VPS13B: variants seen among roughly 807,000 people sequenced by gnomAD.
VPS13B encodes the protein vacuolar protein sorting 13 homolog B, also known as intermembrane lipid transfer protein VPS13B.
A neutral mutation model predicts 426.4 loss-of-function variants in VPS13B; 285 were observed. That is an observed-to-expected ratio of 0.67 (90% CI 0.61 to 0.74). VPS13B has a LOEUF of 0.74. VPS13B is among the 30% of genes least tolerant of loss of function. The pLI is 0.00. For missense variants in VPS13B, 4,537 were observed against 4,782.6 expected, an observed-to-expected ratio of 0.95 and a Z score of 1.51; for synonymous variants, 1,676 against 1,676.4, an observed-to-expected ratio of 1.00 and a Z score of 0.01.
chr8:99,511,178 A>C lies in VPS13B; in HGVS notation c.4299A>C (p.Thr1433=), dbSNP rs1347246270. ...FLSLTYTKAV[T]KNVRHKLTSR... ...CTCTGACATACACAAAAGCTGTAACAAAAAATGTCCGCCACAAGTTAACAT... is the reference window on the plus strand; with the variant it reads ...CTCTGACATACACAAAAGCTGTAACCAAAAATGTCCGCCACAAGTTAACAT... Residue 1433 remains threonine, a synonymous_variant, in exon 29 of 62, where the codon ACA becomes ACC. Coordinates refer to ENST00000357162, the MANE Select transcript of VPS13B (RefSeq NM_152564.5). 6.2e-7 allele frequency: 1 copy of C among 1,613,998 alleles called. No individual in the cohort carries two copies.
chr8:99,481,725 G>A lies in VPS13B; in HGVS notation c.3793G>A (p.Val1265Ile), dbSNP rs1588424854. ...GGCAGGGCCTGTTCCTACTTCTCCAGTTAGAAGCAGTATAGGCACAGCTCC... is the reference window on the plus strand; with the variant it reads ...GGCAGGGCCTGTTCCTACTTCTCCAATTAGAAGCAGTATAGGCACAGCTCC... ...TMAGPVPTSP[V>I]RSSIGTAPPD... is the part of the protein sequence containing the mutation. The change falls in exon 25 of 62, where the codon GTT (valine) becomes ATT (isoleucine). Residue 1265 changes from valine (V) to isoleucine (I), a missense_variant. By Grantham distance (29) the Val-to-Ile change is conservative. Coordinates refer to ENST00000357162, the MANE Select transcript of VPS13B (RefSeq NM_152564.5). 6.2e-7 allele frequency: 1 copy of A among 1,613,968 alleles called. No individual in the cohort carries two copies. The highest frequency in any genetic ancestry group is 2.2e-5 in the East Asian group (1 of 44,864).
At chr8:99,365,335 C>G (rs1355887737) in intron 19 of VPS13B, among the ~76,000 whole-genome samples, 1 of 151,026 alleles carries the variant, frequency 6.6e-6, no homozygotes, top group Non-Finnish European at 1.5e-5. Flanking sequence ...TCTTGCTTTT[C>G]CAGTTATTTA....
In VPS13B at chr8:99,720,449, A is replaced by T; in HGVS notation, c.6762A>T (p.Pro2254=). The stretch of plus-strand genomic sequence containing the variant: ...ATTTTGAAGTACAAGTTTCTGAACC[A>T]GTGCCTCAAATGTCATCTCCTGTGG... ...EGNFEVQVSE[P]VPQMSSPVEK... Residue 2254 remains proline (P), a synonymous_variant, in exon 38 of 62, where the codon CCA becomes CCT. Transcript: ENST00000357162. 1 of 1,614,054 alleles carries T rather than the reference A, an allele frequency of 6.2e-7. No individual in the cohort carries two copies. Among genetic ancestry groups the T allele is most frequent in the Non-Finnish European group, 8.5e-7 (1 of 1,179,934 alleles).
intron 34 of VPS13B, among the ~76,000 whole-genome samples, chr8:99,645,230 G>A (rs1588582578): frequency 6.6e-6 from 1 of 152,292 alleles, no homozygotes; most frequent in East Asian, 1.9e-4. Context: ...ACTCAGGTAT[G>A]GAAAACCTGG....
intron 33 of VPS13B, among the ~76,000 whole-genome samples, chr8:99,624,765 G>A (rs757880177): frequency 7.4e-5 from 11 of 149,040 alleles, no homozygotes; most frequent in African/African-American, 1.2e-4. Context: ...GACTGCAAGT[G>A]TCTCTTTGAA....
chr8:99,384,265 A>G lies in VPS13B; in HGVS notation c.2882A>G (p.Tyr961Cys). Residue 961 changes from tyrosine (Y) to cysteine (C), a missense_variant, in exon 20 of 62, where the codon TAT becomes TGT. By Grantham distance (194) the Tyr-to-Cys change is radical. Coordinates refer to ENST00000357162, the MANE Select transcript of VPS13B (RefSeq NM_152564.5). ...GLAVNIDPIL[Y>C]TWLIYQPQKR... is the part of the protein sequence containing the mutation. Reference sequence around the variant, plus strand: ...GCAGTTAATATTGACCCAATCTTATATACGTGGCTCATCTATCAGCCTCAG... The same window carrying G: ...GCAGTTAATATTGACCCAATCTTATGTACGTGGCTCATCTATCAGCCTCAG... The G allele has an allele frequency of 6.2e-7, 1 of 1,614,016 alleles. No individual in the cohort carries two copies. Among genetic ancestry groups the G allele is most frequent in the East Asian group, 2.2e-5 (1 of 44,854 alleles).
At chr8:99,539,163 A>C (rs1400297212) in intron 30 of VPS13B, among the ~76,000 whole-genome samples, 1 of 152,212 alleles carries the variant, frequency 6.6e-6, no homozygotes, top group Non-Finnish European at 1.5e-5. Flanking sequence ...AATGAAGAAC[A>C]ATGTGAAGAA....
chr8:99,665,194 G>A (rs1417402624), intron 35 of VPS13B, among the ~76,000 whole-genome samples: 2 of 152,102 alleles, frequency 1.3e-5, no homozygotes, highest in African/African-American at 2.4e-5. Context: ...ATTTGTTTGA[G>A]TTCATTGTAG....
At chr8:99,577,388 G>A (rs1447146547) in intron 32 of VPS13B, 102 bp from the exon 33 acceptor site, 4 of 1,531,328 alleles carry the variant, frequency 2.6e-6, no homozygotes, top group East Asian at 2.3e-5. Flanking sequence ...TGAGTCCTAG[G>A]AAATGTCACC....
intron 22 of VPS13B, among the ~76,000 whole-genome samples, chr8:99,433,029 T>A (rs1817194142): frequency 6.6e-6 from 1 of 152,214 alleles, no homozygotes; most frequent in Non-Finnish European, 1.5e-5. Flanking sequence ...ATGGTGATGA[T>A]CCTGCTTCAT....
intron 2 of VPS13B, among the ~76,000 whole-genome samples, chr8:99,026,810 T>TTATGTG (rs998858164): frequency 2.0e-5 from 3 of 152,186 alleles, no homozygotes; most frequent in Admixed American, 1.3e-4. Flanking sequence ...CATTTTAAGT[T>TTATGTG]TATGTGTATG....
At chr8:99,305,544 T>G (rs777406371) in intron 19 of VPS13B, among the ~76,000 whole-genome samples, 3 of 152,088 alleles carry the variant, frequency 2.0e-5, no homozygotes, top group Non-Finnish European at 2.9e-5. Context: ...GTGTCTTTAT[T>G]AAAGCACTTA....
intron 33 of VPS13B, among the ~76,000 whole-genome samples, chr8:99,604,168 T>C (rs897632422): frequency 4.1e-4 from 62 of 152,220 alleles, no homozygotes; most frequent in African/African-American, 1.4e-3. Flanking sequence ...GGAATGTAGC[T>C]CTTTTAAAAT....
At chr8:99,818,992 T>A (rs1814209710) in intron 47 of VPS13B, 104 bp downstream of exon 47, 5 of 957,434 alleles carry the variant, frequency 5.2e-6, no homozygotes, top group Non-Finnish European at 1.6e-6. Flanking sequence ...GGTAGGGAGA[T>A]GGGAGTGGAG....
In VPS13B at chr8:99,417,293, G is replaced by A. The variant is rs558924678; in HGVS notation, c.3083-14244G>A. Among the ~76,000 whole-genome samples the A allele has an allele frequency of 2.3e-4, 35 of 152,168 alleles. No homozygotes were observed. The East Asian group carries it at 5.0e-3, about 22-fold the overall frequency. On this transcript the variant is annotated intron_variant, in intron 21 of 61. Coordinates refer to ENST00000357162, the MANE Select transcript of VPS13B (RefSeq NM_152564.5). Reference sequence around the variant, plus strand: ...AGTGGGAAGGGTGCTATTGAAAGGCGAACATAAAATATTGACACCAATTTC... The same window carrying A: ...AGTGGGAAGGGTGCTATTGAAAGGCAAACATAAAATATTGACACCAATTTC...
chr8:99,836,836 C>G (rs1815419332), intron 54 of VPS13B, among the ~76,000 whole-genome samples: 1 of 152,208 alleles, frequency 6.6e-6, no homozygotes, highest in South Asian at 2.1e-4. Flanking sequence ...TCTCATCTAA[C>G]CTTGACAACA....
intron 35 of VPS13B, among the ~76,000 whole-genome samples, chr8:99,687,031 G>A (rs575586379): frequency 6.6e-6 from 1 of 152,124 alleles, no homozygotes. Context: ...TTGCCTGGGT[G>A]CTACTGCTAA....
At chr8:99,291,523 G>A (rs1239716682) in intron 19 of VPS13B, among the ~76,000 whole-genome samples, 2 of 152,124 alleles carry the variant, frequency 1.3e-5, no homozygotes, top group East Asian at 3.8e-4. Context: ...GCTGCTAGCT[G>A]CATTCTAGAG....
At chr8:99,673,633 C>T (rs1282554509) in intron 35 of VPS13B, among the ~76,000 whole-genome samples, 2 of 151,602 alleles carry the variant, frequency 1.3e-5, no homozygotes, top group Non-Finnish European at 1.5e-5. Flanking sequence ...TATTTCCCTC[C>T]TTCTACTAAT....
Sources: gnomAD v4.1 joint callset for allele counts (sites outside exome capture counted in the v4.1 genomes callset) on GRCh38, gnomAD v4.1.1 for gene constraint, MANE v1.5 for transcripts, NCBI Gene and HGNC (gene_info 2026-07-23, HGNC 2026-07-21) for gene names.